CNTN1: variants seen among roughly 807,000 people sequenced by gnomAD.
CNTN1 encodes the protein contactin 1, also known as contactin-1.
CNTN1 carries 38 observed loss-of-function variants against 126.4 expected under a neutral mutation model. The ratio of observed to expected loss-of-function variants is 0.30; its 90% CI spans 0.23 to 0.39. CNTN1 has a LOEUF of 0.39. CNTN1 is among the 10% of genes least tolerant of loss of function. The probability of loss-of-function intolerance (pLI) is 1.00; values close to 1 mark genes in which losing one functional copy is unlikely to be tolerated. For synonymous variants in CNTN1, 413 were observed against 422.6 expected, an observed-to-expected ratio of 0.98 and a Z score of 0.28; for missense variants, 1,009 against 1,248.4, an observed-to-expected ratio of 0.81 and a Z score of 2.89.
At chr12:40,708,386 A>G (rs768803397) in intron 1 of CNTN1, among the ~76,000 whole-genome samples, 1 of 152,242 alleles carries the variant, frequency 6.6e-6, no homozygotes, top group Non-Finnish European at 1.5e-5. Context: ...AAGAAAATGT[A>G]CACTCCTTAA....
intron 23 of CNTN1, among the ~76,000 whole-genome samples, chr12:41,067,163 A>C (rs1950063005): frequency 6.6e-6 from 1 of 152,244 alleles, no homozygotes; most frequent in African/African-American, 2.4e-5. Flanking sequence ...GTGGGATAGA[A>C]GTAAAGATGA....
intron 1 of CNTN1, among the ~76,000 whole-genome samples, chr12:40,719,004 A>AT (rs930548232): frequency 6.0e-5 from 9 of 150,356 alleles, no homozygotes; most frequent in East Asian, 3.9e-4. Context: ...GGAGGGGTTG[A>AT]TTTTTTTTTA....
chr12:40,926,330 T>G (rs1945693675), intron 6 of CNTN1, among the ~76,000 whole-genome samples: 3 of 151,854 alleles, frequency 2.0e-5, no homozygotes, highest in Admixed American at 6.6e-5. Context: ...GTAAAGGAGC[T>G]AACAATATGA....
intron 1 of CNTN1, among the ~76,000 whole-genome samples, chr12:40,839,923 G>T (rs1016200455): frequency 6.6e-6 from 1 of 151,946 alleles, no homozygotes; most frequent in African/African-American, 2.4e-5. Flanking sequence ...ATCAATAAGA[G>T]AAAAAGAAAA....
At chr12:40,980,093 A>G (rs1243808903) in intron 15 of CNTN1, among the ~76,000 whole-genome samples, 1 of 152,142 alleles carries the variant, frequency 6.6e-6, no homozygotes, top group African/African-American at 2.4e-5. Context: ...ATTCCCAGAA[A>G]TTTCCACTTC....
At chr12:40,834,403 T>C (rs999582871) in intron 1 of CNTN1, among the ~76,000 whole-genome samples, 1 of 152,084 alleles carries the variant, frequency 6.6e-6, no homozygotes, top group Admixed American at 6.5e-5. Flanking sequence ...AAGTGGCAAA[T>C]TGATGGCTTA....
At chr12:41,027,157 TAG>T (rs1949054127) in intron 21 of CNTN1, among the ~76,000 whole-genome samples, 1 of 152,106 alleles carries the variant, frequency 6.6e-6, no homozygotes, top group Non-Finnish European at 1.5e-5. Context: ...AGAAATCTTT[TAG>T]AGACTCAAGT....
At chr12:40,991,392 C>CT (rs918134143) in intron 16 of CNTN1, among the ~76,000 whole-genome samples, 208 of 145,154 alleles carry the variant, frequency 1.4e-3, no homozygotes, top group East Asian at 4.9e-3. Context: ...TCTGCCAAGC[C>CT]TTTTTTTTTT....
intron 23 of CNTN1, among the ~76,000 whole-genome samples, chr12:41,049,903 A>C (rs988059041): frequency 1.3e-5 from 2 of 152,074 alleles, no homozygotes; most frequent in Non-Finnish European, 2.9e-5. Flanking sequence ...GATGTCTGTA[A>C]TTTTTTTGTT....
At chr12:40,693,352 T>C (rs1379375539) in intron 1 of CNTN1, among the ~76,000 whole-genome samples, 1 of 152,120 alleles carries the variant, frequency 6.6e-6, no homozygotes, top group Admixed American at 6.5e-5. Context: ...TTCAGGGATT[T>C]CCAGGGAGTC....
chr12:40,937,773 C>G (rs576067802), intron 11 of CNTN1, 86 bp downstream of exon 11: 1 of 830,164 alleles, frequency 1.2e-6, no homozygotes, highest in South Asian at 1.3e-5. Context: ...ACACAAAATA[C>G]CCAGTATTGT....
chr12:41,022,657 C>T lies in CNTN1; in HGVS notation c.2523+2217C>T, dbSNP rs549708692. 6.0e-4 allele frequency among the ~76,000 whole-genome samples: 92 copies of T among 152,218 alleles called. 1 individual carries two copies. The highest frequency in any genetic ancestry group is 1.2e-3 in the Non-Finnish European group (80 of 68,014). On this transcript the variant is annotated intron_variant, in intron 20 of 23. Coordinates refer to ENST00000551295, the MANE Select transcript of CNTN1 (RefSeq NM_001843.4). Reference sequence around the variant, plus strand: ...GTTAATGATGAAAAGACTGATAACACGTCTTGAGTTCTTATTGTGCTAAAC... The same window carrying T: ...GTTAATGATGAAAAGACTGATAACATGTCTTGAGTTCTTATTGTGCTAAAC...
intron 1 of CNTN1, among the ~76,000 whole-genome samples, chr12:40,830,664 A>AGG (rs1941779043): frequency 1.3e-5 from 2 of 149,810 alleles, no homozygotes; most frequent in Admixed American, 1.3e-4. Context: ...ATTTTAAAGT[A>AGG]GAAAGGTGTA....
At chr12:41,043,258 A>G (rs1949460322) in intron 23 of CNTN1, among the ~76,000 whole-genome samples, 1 of 152,178 alleles carries the variant, frequency 6.6e-6, no homozygotes, top group Non-Finnish European at 1.5e-5. Flanking sequence ...TCATCTGACA[A>G]AGGGCTAATA....
chr12:40,726,220 A>C (rs1942347716), intron 1 of CNTN1, among the ~76,000 whole-genome samples: 1 of 152,180 alleles, frequency 6.6e-6, no homozygotes, highest in African/African-American at 2.4e-5. Flanking sequence ...ATATTTTAGG[A>C]AAATTAACAT....
chr12:40,966,686 A>G (rs1017752130), intron 15 of CNTN1, among the ~76,000 whole-genome samples: 1 of 152,200 alleles, frequency 6.6e-6, no homozygotes, highest in Non-Finnish European at 1.5e-5. Context: ...GTTCAGCGTA[A>G]ATTGAGGTAC....
intron 1 of CNTN1, among the ~76,000 whole-genome samples, chr12:40,831,380 T>C (rs1203291213): frequency 2.0e-5 from 3 of 151,846 alleles, no homozygotes; most frequent in Non-Finnish European, 4.4e-5. Flanking sequence ...ACAAGAAAAT[T>C]TCCCATAGGG....
At chr12:40,979,550 A>G (rs1240711111) in intron 15 of CNTN1, among the ~76,000 whole-genome samples, 1 of 152,134 alleles carries the variant, frequency 6.6e-6, no homozygotes, top group African/African-American at 2.4e-5. Flanking sequence ...TATATTAAAT[A>G]TGCCTAAATC....
At chr12:40,901,232 T>C (rs1325658571) in intron 1 of CNTN1, among the ~76,000 whole-genome samples, 2 of 152,218 alleles carry the variant, frequency 1.3e-5, no homozygotes, top group Non-Finnish European at 2.9e-5. Context: ...AAATTCTCTA[T>C]GTTTTAGTAG....
Sources: allele counts gnomAD v4.1 joint callset (sites outside exome capture counted in the v4.1 genomes callset), GRCh38; gene constraint gnomAD v4.1.1; transcripts MANE v1.5; gene names NCBI Gene and HGNC (gene_info 2026-07-23, HGNC 2026-07-21).